CSMD1: variants seen among roughly 807,000 people sequenced by gnomAD.
The protein encoded by CSMD1 is CUB and Sushi multiple domains 1.
A neutral mutation model predicts 417.5 loss-of-function variants in CSMD1; 213 were observed. That is an observed-to-expected ratio of 0.51 (90% CI 0.46 to 0.57). The LOEUF is 0.57. Among genes scored for constraint, CSMD1 ranks in the 20% least tolerant of loss-of-function variants. The pLI, the probability that CSMD1 is intolerant of heterozygous loss-of-function variation, is 0.00. For missense variants in CSMD1, 6,923 were observed against 4,529.7 expected, an observed-to-expected ratio of 1.53 and a Z score of -15.17; for synonymous variants, 2,862 against 1,736.8, an observed-to-expected ratio of 1.65 and a Z score of -16.11.
At chr8:4,103,732 C>A (rs1801422997) in intron 3 of CSMD1, among the ~76,000 whole-genome samples, 1 of 152,068 alleles carries the variant, frequency 6.6e-6, no homozygotes, top group Non-Finnish European at 1.5e-5. Flanking sequence ...TTATCCAAGA[C>A]TTGATAGTAG....
intron 5 of CSMD1, among the ~76,000 whole-genome samples, chr8:3,859,380 A>G (rs1338651018): frequency 2.0e-5 from 3 of 152,180 alleles, no homozygotes; most frequent in Non-Finnish European, 4.4e-5. Context: ...TTCTTTTTAT[A>G]AATATCTTTG....
chr8:4,916,762 T>C (rs559762986), intron 1 of CSMD1, among the ~76,000 whole-genome samples: 4 of 152,362 alleles, frequency 2.6e-5, no homozygotes, highest in South Asian at 2.1e-4. Flanking sequence ...GTTCATATTT[T>C]AACAAAGTGA....
intron 6 of CSMD1, among the ~76,000 whole-genome samples, chr8:3,729,240 C>A (rs554456374): frequency 2.0e-5 from 3 of 152,282 alleles, no homozygotes; most frequent in African/African-American, 7.2e-5. Context: ...TCTTCCCTGC[C>A]TTTTTAATGA....
chr8:3,422,701 C>T (rs2116982954), intron 12 of CSMD1, among the ~76,000 whole-genome samples: 1 of 152,256 alleles, frequency 6.6e-6, no homozygotes, highest in East Asian at 1.9e-4. Context: ...ATGTATTTTT[C>T]ATCGTCTTAG....
intron 2 of CSMD1, among the ~76,000 whole-genome samples, chr8:4,505,266 T>G (rs986283457): frequency 5.9e-5 from 9 of 152,098 alleles, no homozygotes; most frequent in Non-Finnish European, 1.2e-4. Flanking sequence ...ATAATAATGA[T>G]AAATGTGTTC....
intron 1 of CSMD1, 34 bp from the exon 2 acceptor site, chr8:4,637,592 A>G (rs1160363941): frequency 7.4e-7 from 1 of 1,349,240 alleles, no homozygotes; most frequent in Non-Finnish European, 1.0e-6. Flanking sequence ...AAAGCATATT[A>G]TTCTGGCCAT....
At chr8:4,856,821 A>T (rs1801828641) in intron 1 of CSMD1, among the ~76,000 whole-genome samples, 1 of 151,606 alleles carries the variant, frequency 6.6e-6, no homozygotes, top group African/African-American at 2.4e-5. Flanking sequence ...ATAATGGGAG[A>T]CTTTAACACC....
chr8:4,037,129 C>A (rs1797663997), intron 3 of CSMD1, among the ~76,000 whole-genome samples: 1 of 152,196 alleles, frequency 6.6e-6, no homozygotes, highest in Admixed American at 6.5e-5. Context: ...TTTTATTAAT[C>A]TTTCTTAAGT....
chr8:4,855,299 C>T (rs2116850202), intron 1 of CSMD1, among the ~76,000 whole-genome samples: 1 of 152,064 alleles, frequency 6.6e-6, no homozygotes, highest in East Asian at 2.0e-4. Flanking sequence ...GTAGATAAAA[C>T]CACAAAGATG....
At chr8:4,409,367 A>C (rs981029039) in intron 3 of CSMD1, among the ~76,000 whole-genome samples, 2 of 152,142 alleles carry the variant, frequency 1.3e-5, no homozygotes, top group African/African-American at 2.4e-5. Flanking sequence ...GAATTGCCTC[A>C]GACTAACAAA....
intron 1 of CSMD1, among the ~76,000 whole-genome samples, chr8:4,644,690 T>C (rs1039398834): frequency 6.6e-6 from 1 of 152,246 alleles, no homozygotes; most frequent in Admixed American, 6.5e-5. Context: ...ATTACAGGTG[T>C]GAGCCACCAT....
intron 1 of CSMD1, among the ~76,000 whole-genome samples, chr8:4,812,657 T>G (rs1007916455): frequency 2.6e-5 from 4 of 152,196 alleles, no homozygotes; most frequent in Non-Finnish European, 4.4e-5. Flanking sequence ...AGATTCTTAT[T>G]CTCTATAATT....
At chr8:3,352,022 G>C (rs1039676622) in intron 21 of CSMD1, among the ~76,000 whole-genome samples, 4 of 151,814 alleles carry the variant, frequency 2.6e-5, no homozygotes, top group African/African-American at 9.7e-5. Flanking sequence ...TTATGTGGAA[G>C]TCAATAAGAA....
At chr8:3,270,293 T>C (rs1801744023) in intron 26 of CSMD1, among the ~76,000 whole-genome samples, 1 of 152,094 alleles carries the variant, frequency 6.6e-6, no homozygotes, top group African/African-American at 2.4e-5. Context: ...CCTGACCTTG[T>C]GATCCGTCTG....
At chr8:3,176,658 C>A (rs1439777200) in intron 37 of CSMD1, among the ~76,000 whole-genome samples, 1 of 152,198 alleles carries the variant, frequency 6.6e-6, no homozygotes, top group African/African-American at 2.4e-5. Flanking sequence ...ACATCCCTCC[C>A]ACTTTAACAA....
chr8:3,382,452 ATATATATAATATAT>A (rs1371720095), intron 18 of CSMD1, among the ~76,000 whole-genome samples: 2 of 139,788 alleles, frequency 1.4e-5, no homozygotes, highest in Non-Finnish European at 3.1e-5. Flanking sequence ...ATATAATATA[ATATATATAATATAT>A]TATATATAAT....
intron 3 of CSMD1, among the ~76,000 whole-genome samples, chr8:4,381,071 T>C (rs58584683): frequency 0.084 from 12,749 of 151,840 alleles, 693 homozygotes; most frequent in South Asian, 0.19. Context: ...TTATATTAGG[T>C]TGGTTCAAAA....
chr8:4,285,689 G>C (rs1295048771), intron 3 of CSMD1, among the ~76,000 whole-genome samples: 2 of 152,188 alleles, frequency 1.3e-5, no homozygotes, highest in Admixed American at 6.5e-5. Context: ...GAAGAATGGA[G>C]CTTTCCAGAA....
intron 40 of CSMD1, among the ~76,000 whole-genome samples, chr8:3,143,362 C>T (rs1342402985): frequency 1.3e-5 from 2 of 152,152 alleles, no homozygotes; most frequent in Non-Finnish European, 2.9e-5. Context: ...ATCAACCGCA[C>T]CATAACTCTC....
Sources: allele counts gnomAD v4.1 joint callset (sites outside exome capture counted in the v4.1 genomes callset), GRCh38; gene constraint gnomAD v4.1.1; transcripts MANE v1.5; gene names NCBI Gene and HGNC (gene_info 2026-07-23, HGNC 2026-07-21).